MTMR3: variants seen among roughly 807,000 people sequenced by gnomAD.
MTMR3 encodes the protein myotubularin related protein 3.
In MTMR3, 32 loss-of-function variants were observed where a neutral mutation model predicts 132.4. The observed-to-expected ratio is 0.24, with a 90% CI of 0.18 to 0.32. The LOEUF is 0.32. Ranked by LOEUF, MTMR3 falls within the 10% of genes least tolerant of loss-of-function variation. MTMR3 has a pLI of 1.00. For synonymous variants in MTMR3, 556 were observed against 550.3 expected, an observed-to-expected ratio of 1.01 and a Z score of -0.14; for missense variants, 1,216 against 1,489.6, an observed-to-expected ratio of 0.82 and a Z score of 3.02.
At chr22:29,932,832 T>G (rs1432875757) in intron 1 of MTMR3, among the ~76,000 whole-genome samples, 2 of 152,186 alleles carry the variant, frequency 1.3e-5, no homozygotes, top group Non-Finnish European at 2.9e-5. Flanking sequence ...CTTCACCAAT[T>G]GTTTACATTT....
At position 30,020,454 on chromosome 22, in the gene MTMR3, C is replaced by T. The variant is rs750967660; in HGVS notation, c.2795C>T (p.Pro932Leu). Residue 932 changes from proline to leucine, a missense_variant, in exon 17 of 20, where the codon CCA (proline) becomes CTA (leucine). Physicochemically the swap from Pro to Leu is moderately conservative, Grantham distance 98. This residue lies in a region of MTMR3 where 852 missense variants were observed against 852.0 expected (regional missense o/e 1.00). Transcript: ENST00000401950. ...CKEGLVCNGA[P>L]ETENRASEQP... ...GAGGGGCTTGTGTGCAATGGTGCCCCAGAGACTGAAAACAGGGCCTCAGAG... is the reference window on the plus strand; with the variant it reads ...GAGGGGCTTGTGTGCAATGGTGCCCTAGAGACTGAAAACAGGGCCTCAGAG... 1 of 1,614,168 alleles carries T rather than the reference C, an allele frequency of 6.2e-7. No homozygotes were observed. The highest frequency in any genetic ancestry group is 2.2e-5 in the East Asian group (1 of 44,874).
At chr22:29,946,518 G>T (rs1005799624) in intron 1 of MTMR3, among the ~76,000 whole-genome samples, 1 of 152,188 alleles carries the variant, frequency 6.6e-6, no homozygotes, top group African/African-American at 2.4e-5. Flanking sequence ...AATGGTTTCA[G>T]ACTGTTAATG....
intron 1 of MTMR3, among the ~76,000 whole-genome samples, chr22:29,905,447 T>C (rs931308484): frequency 6.6e-6 from 1 of 152,194 alleles, no homozygotes; most frequent in Non-Finnish European, 1.5e-5. Context: ...ATAGTTGATA[T>C]ATAGTAGTTG....
chr22:29,987,586 G>C (rs1180546108), intron 5 of MTMR3: 2 of 152,168 alleles, frequency 1.3e-5, no homozygotes, highest in Non-Finnish European at 2.9e-5. Context: ...TGAAGCCAAG[G>C]GTTGAATTAG....
intron 12 of MTMR3, chr22:30,011,139 A>G (rs1416068863): frequency 6.6e-6 from 1 of 152,206 alleles, no homozygotes. Context: ...AGGCCTTTAC[A>G]GCCTTCCCAC....
At position 29,973,894 on chromosome 22, in the gene MTMR3, C is replaced by T. The variant is rs181518078; in HGVS notation, c.3+2832C>T. 1.8e-4 allele frequency among the ~76,000 whole-genome samples: 27 copies of T among 152,326 alleles called. No homozygotes were observed. In the East Asian group the frequency reaches 4.4e-3, roughly 25 times the overall value. ...GATTACAGGCATGAGTCACCGCACC[C>T]GGCCCTTCCCATGTACTTTAAATAT... On this transcript the variant is annotated intron_variant, in intron 3 of 19. Transcript: ENST00000401950.
chr22:29,972,024 A>G (rs2066546089), intron 3 of MTMR3, among the ~76,000 whole-genome samples: 1 of 152,226 alleles, frequency 6.6e-6, no homozygotes, highest in Non-Finnish European at 1.5e-5. Flanking sequence ...AGTTGTGCAG[A>G]AATGTCATAT....
Position 30,019,915 on chromosome 22 carries a change from C to A in MTMR3, c.2256C>A (p.Ser752Arg). Residue 752 changes from serine to arginine, a missense_variant, in exon 17 of 20, where the codon AGC (serine) becomes AGA (arginine). Physicochemically the swap from Ser to Arg is moderately radical, Grantham distance 110. Transcript: ENST00000401950. ...DPELGDAALR[S>R]HLDMSWPLFS... is the part of the protein sequence containing the mutation. ...AACTGGGTGATGCTGCTCTGAGGAGCCATCTGGATATGAGCTGGCCTCTGT... is the reference window on the plus strand; with the variant it reads ...AACTGGGTGATGCTGCTCTGAGGAGACATCTGGATATGAGCTGGCCTCTGT... The A allele has an allele frequency of 6.2e-7, 1 of 1,614,174 alleles. No homozygotes were observed. The highest frequency in any genetic ancestry group is 1.3e-5 in the African/African-American group (1 of 75,052).
rs1308760248 is a variant in MTMR3, at chr22:29,940,463, C to CTGTTT, written c.-137-16573_-137-16572insTGTTT. ...GCCTGCACCCAGGTGAAACAAACAG[C>CTGTTT]CTTGTTGCTCACACAAAGCCTGTTT... is the stretch of plus-strand genomic sequence containing the variant. On this transcript the variant is annotated intron_variant, in intron 1 of 19. Transcript: ENST00000401950. 4.0e-5 allele frequency among the ~76,000 whole-genome samples: 6 copies of CTGTTT among 150,004 alleles called. No homozygotes were observed. In the East Asian group the frequency reaches 1.2e-3, roughly 29 times the overall value.
chr22:30,007,765 G>C (rs1261943357), intron 10 of MTMR3, 136 bp from the exon 11 acceptor site: 3 of 1,008,598 alleles, frequency 3.0e-6, no homozygotes, highest in African/African-American at 1.6e-5. Context: ...AAAATCCTAT[G>C]TATCAAGGGT....
intron 7 of MTMR3, chr22:29,992,650 C>G (rs1306599690): frequency 2.0e-5 from 3 of 152,170 alleles, no homozygotes; most frequent in Non-Finnish European, 4.4e-5. Context: ...AAGCCTCCTT[C>G]AAGTAAAGTT....
At chr22:29,890,651 T>C (rs1014004420) in intron 1 of MTMR3, among the ~76,000 whole-genome samples, 2 of 152,246 alleles carry the variant, frequency 1.3e-5, no homozygotes, top group Admixed American at 1.3e-4. Flanking sequence ...CAATTCCATA[T>C]ATTCTTGCTA....
intron 15 of MTMR3, 142 bp downstream of exon 15, chr22:30,016,840 G>A (rs1029235386): frequency 2.0e-6 from 2 of 985,046 alleles, no homozygotes; most frequent in Non-Finnish European, 1.5e-6. Context: ...TTTCCCCCAT[G>A]ATTCTGTCCT....
At chr22:29,930,225 G>A (rs1237589225) in intron 1 of MTMR3, among the ~76,000 whole-genome samples, 1 of 152,130 alleles carries the variant, frequency 6.6e-6, no homozygotes, top group African/African-American at 2.4e-5. Context: ...TTAATATGTA[G>A]AATATTTCCA....
intron 16 of MTMR3, 138 bp from the exon 17 acceptor site, chr22:30,019,342 C>G: frequency 1.3e-6 from 1 of 792,704 alleles, no homozygotes; most frequent in Non-Finnish European, 2.0e-6. Flanking sequence ...GTCTGGGCCT[C>G]GCTCCAGAGA....
At chr22:29,950,033 C>T (rs1408780692) in intron 1 of MTMR3, among the ~76,000 whole-genome samples, 1 of 152,172 alleles carries the variant, frequency 6.6e-6, no homozygotes, top group Non-Finnish European at 1.5e-5. Flanking sequence ...AGAAGCAGGA[C>T]ATGAATGAGT....
intron 1 of MTMR3, among the ~76,000 whole-genome samples, chr22:29,888,649 G>T (rs1043669677): frequency 7.9e-5 from 12 of 151,878 alleles, no homozygotes; most frequent in Non-Finnish European, 1.2e-4. Flanking sequence ...AACCACAGAG[G>T]TATTGTCTTG....
At chr22:29,934,347 C>A (rs1230286869) in intron 1 of MTMR3, among the ~76,000 whole-genome samples, 1 of 151,994 alleles carries the variant, frequency 6.6e-6, no homozygotes, top group South Asian at 2.1e-4. Flanking sequence ...GAGAGAGACT[C>A]TGTCTCAAAG....
chr22:29,970,946 C>CT, intron 2 of MTMR3, 30 bp from the exon 3 acceptor site: 7 of 297,388 alleles, frequency 2.4e-5, no homozygotes, highest in South Asian at 5.3e-5. Context: ...TTTTTTTTTT[C>CT]TTCTTCCCCC....
Sources: allele counts gnomAD v4.1 joint callset (sites outside exome capture counted in the v4.1 genomes callset), GRCh38; gene constraint gnomAD v4.1.1; regional missense constraint gnomAD v4.1.1; transcripts MANE v1.5; gene names NCBI Gene and HGNC (gene_info 2026-07-23, HGNC 2026-07-21).